TPD52L2: variants seen among roughly 807,000 people sequenced by gnomAD.
TPD52L2 encodes the protein TPD52 like 2, also known as tumor protein D54.
Under a neutral mutation model 24.7 loss-of-function variants are expected in TPD52L2, and 19 were observed. The observed-to-expected ratio is 0.77, with a 90% CI of 0.54 to 1.13. The LOEUF is 1.13. Among genes scored for constraint, TPD52L2 ranks in the 50% most tolerant of loss-of-function variants. The pLI is 0.00. For synonymous variants in TPD52L2, 104 were observed against 100.2 expected (o/e 1.04, Z -0.23); for missense variants, 236 against 250.4 (o/e 0.94, Z 0.39).
intron 2 of TPD52L2, among the ~76,000 whole-genome samples, chr20:63,870,939 A>G (rs147618479): frequency 6.6e-6 from 1 of 151,948 alleles, no homozygotes; most frequent in Non-Finnish European, 1.5e-5. Context: ...GCTGATCTCA[A>G]ACTCCTGATC....
At chr20:63,870,520 G>GTTTTT (rs959786861) in intron 2 of TPD52L2, among the ~76,000 whole-genome samples, 387 of 94,494 alleles carry the variant, frequency 4.1e-3, no homozygotes, top group Middle Eastern at 8.2e-3. Flanking sequence ...ATAAGGTGAA[G>GTTTTT]TTTTTTTTTT....
chr20:63,869,553 C>T, intron 2 of TPD52L2, 112 bp downstream of exon 2: 1 of 1,341,746 alleles, frequency 7.5e-7, no homozygotes, highest in South Asian at 1.2e-5. Context: ...GGGTGGTCAC[C>T]TACCCTGCTC....
chr20:63,878,486 A>G (rs2052774042), intron 4 of TPD52L2, among the ~76,000 whole-genome samples: 3 of 152,232 alleles, frequency 2.0e-5, no homozygotes, highest in African/African-American at 7.2e-5. Flanking sequence ...GACTCAAGGT[A>G]GCATCAACCA....
At chr20:63,865,582 C>G (rs1259312324) in intron 1 of TPD52L2, among the ~76,000 whole-genome samples, 198 bp downstream of exon 1, 2 of 152,236 alleles carry the variant, frequency 1.3e-5, no homozygotes, top group East Asian at 3.8e-4. Context: ...GCCCAGACCG[C>G]TTCCTGGGCT....
At chr20:63,887,648 C>T in intron 5 of TPD52L2, 2 of 1,602,706 alleles carry the variant, frequency 1.2e-6, no homozygotes. Flanking sequence ...CCGGGTGTCT[C>T]TGGTGGGGGT....
intron 3 of TPD52L2, among the ~76,000 whole-genome samples, chr20:63,874,694 G>A (rs994125410): frequency 6.6e-6 from 1 of 152,090 alleles, no homozygotes; most frequent in African/African-American, 2.4e-5. Context: ...GTTCTAAAAA[G>A]GCAGACACAC....
Position 63,877,905 on chromosome 20 carries a change from A to G in TPD52L2, c.374+2030A>G, listed in dbSNP as rs1383841549. On this transcript the variant is annotated intron_variant, in intron 4 of 6. Transcript: ENST00000346249. This position sits in a 1 kb window ranked among gnomAD's most constrained non-coding sequence, Gnocchi z 4.1. ...GTTTCTGCCGGGACGGCCCAGGCCG[A>G]GGGCGATGGTTTCTGGTGGGAAGGC... 6.6e-6 allele frequency among the ~76,000 whole-genome samples: 1 copy of G among 152,204 alleles called. No homozygotes were observed. Among genetic ancestry groups the G allele is most frequent in the African/African-American group, 2.4e-5 (1 of 41,444 alleles).
At chr20:63,867,262 C>T (rs898922952) in intron 1 of TPD52L2, among the ~76,000 whole-genome samples, 7 of 152,076 alleles carry the variant, frequency 4.6e-5, no homozygotes, top group African/African-American at 9.7e-5. Flanking sequence ...CCTCATTTGT[C>T]TTTTTTTAAA....
intron 1 of TPD52L2, among the ~76,000 whole-genome samples, chr20:63,867,423 G>T (rs537732633): frequency 1.3e-5 from 2 of 152,232 alleles, no homozygotes; most frequent in South Asian, 4.1e-4. Context: ...AAAATTAACC[G>T]GGCATGGTGG....
intron 4 of TPD52L2, among the ~76,000 whole-genome samples, chr20:63,880,428 A>G (rs1233606719): frequency 6.6e-6 from 1 of 150,836 alleles, no homozygotes; most frequent in Non-Finnish European, 1.5e-5. Flanking sequence ...TAGGGCACAA[A>G]TGCAGGTGCA....
intron 4 of TPD52L2, 76 bp from the exon 5 acceptor site, chr20:63,882,643 C>T (rs1188637080): frequency 1.2e-5 from 14 of 1,191,510 alleles, no homozygotes; most frequent in Middle Eastern, 3.9e-4. Context: ...GGGCGTGCTC[C>T]CAGTGCTTTG....
At chr20:63,870,037 A>T (rs1180298832) in intron 2 of TPD52L2, among the ~76,000 whole-genome samples, 2 of 152,254 alleles carry the variant, frequency 1.3e-5, no homozygotes, top group East Asian at 1.9e-4. Flanking sequence ...CTGAGGTGAG[A>T]GGATTGCTTG....
chr20:63,882,157 A>G (rs557408010), intron 4 of TPD52L2, among the ~76,000 whole-genome samples: 2 of 152,200 alleles, frequency 1.3e-5, no homozygotes, highest in East Asian at 1.9e-4. Context: ...CTGCATGGCC[A>G]CTCTGTGACG....
At chr20:63,889,131 TAGG>T in intron 5 of TPD52L2, 56 bp from the exon 6 acceptor site, 1 of 1,496,022 alleles carries the variant, frequency 6.7e-7, no homozygotes, top group Non-Finnish European at 9.3e-7. Context: ...CCTTCCGAGT[TAGG>T]AGAGCAGCAC....
chr20:63,869,428 C>G lies in TPD52L2; in HGVS notation c.152C>G (p.Ala51Gly). The G allele has an allele frequency of 6.2e-7, 1 of 1,614,154 alleles. No individual in the cohort carries two copies. Residue 51 changes from alanine (A) to glycine (G), a missense_variant, in exon 2 of 7, where the codon GCT becomes GGT. Coordinates refer to ENST00000346249, the MANE Select transcript of TPD52L2 (RefSeq NM_003288.4). Reference protein sequence around the residue: ...LTEAEEEELRAELTKVEEEIV... With the variant: ...LTEAEEEELRGELTKVEEEIV... ...GAGGCTGAGGAGGAGGAGCTCAGGG[C>G]TGAGCTTACCAAGGTGCTGTGGCTT...
chr20:63,886,791 T>G (rs1017572638), intron 5 of TPD52L2: 1 of 152,366 alleles, frequency 6.6e-6, no homozygotes, highest in Non-Finnish European at 1.5e-5. Flanking sequence ...ATTACAGGCA[T>G]GAGCCACCAC....
chr20:63,887,477 C>T, intron 5 of TPD52L2: 1 of 1,421,874 alleles, frequency 7.0e-7, no homozygotes, highest in Non-Finnish European at 9.9e-7. Flanking sequence ...AATCCCAGCT[C>T]TGCCCATCCC....
intron 1 of TPD52L2, 63 bp from the exon 2 acceptor site, chr20:63,869,233 T>G (rs146131558): frequency 6.3e-7 from 1 of 1,597,946 alleles, no homozygotes; most frequent in Non-Finnish European, 8.6e-7. Flanking sequence ...GCTAGAGACC[T>G]CTACCGTATT....
In TPD52L2 at chr20:63,882,827, C is replaced by A; in HGVS notation, c.476+7C>A. Reference sequence around the variant, plus strand: ...GGAAGCTTGGAGACATGAGGTGAGACGCAACCCTGACTCTGCTGCCCTGAG... The same window carrying A: ...GGAAGCTTGGAGACATGAGGTGAGAAGCAACCCTGACTCTGCTGCCCTGAG... On this transcript the variant is annotated splice_region_variant and intron_variant, in intron 5 of 6. Coordinates refer to ENST00000346249, the MANE Select transcript of TPD52L2 (RefSeq NM_003288.4). 1 of 1,605,014 alleles carries A rather than the reference C, an allele frequency of 6.2e-7. No individual in the cohort carries two copies. The highest frequency in any genetic ancestry group is 8.5e-7 in the Non-Finnish European group (1 of 1,174,492).
Sources: allele counts gnomAD v4.1 joint callset (sites outside exome capture counted in the v4.1 genomes callset), GRCh38; gene constraint gnomAD v4.1.1; non-coding constraint Gnocchi (gnomAD v3.1); transcripts MANE v1.5; gene names NCBI Gene and HGNC (gene_info 2026-07-23, HGNC 2026-07-21).